The following ZNF727 variants were observed in gnomAD, a reference collection of about 807,000 sequenced individuals.
ZNF727 encodes the protein putative zinc finger protein 727.
In ZNF727, 11 loss-of-function variants were observed where a neutral mutation model predicts 11.5. The ratio of observed to expected loss-of-function variants is 0.95; its 90% CI spans 0.60 to 1.58. The LOEUF (loss-of-function observed/expected upper bound fraction) is 1.58. Ranked by LOEUF, ZNF727 falls within the 40% of genes most tolerant of loss-of-function variation. ZNF727 has a pLI of 0.00. For missense variants in ZNF727, 533 were observed against 581.7 expected (o/e 0.92, Z 0.86); for synonymous variants, 171 against 196.1 (o/e 0.87, Z 1.07).
At chr7:64,060,133 C>T (rs1451060535) in intron 1 of ZNF727, among the ~76,000 whole-genome samples, 13 of 152,074 alleles carry the variant, frequency 8.5e-5, no homozygotes, top group Non-Finnish European at 1.9e-4. Context: ...CTATATATGA[C>T]AGAGTATGCT....
chr7:64,084,876 A>G lies in ZNF727; in HGVS notation c.*6327A>G, dbSNP rs1785849861. On this transcript the variant is annotated 3_prime_UTR_variant, in exon 4 of 4. Coordinates refer to ENST00000456806, the MANE Select transcript of ZNF727 (RefSeq NM_001159522.3). ...GAAGAAAAGAAAAATATTAGAGTGA[A>G]ACAGATAATTTTACATGTGTTGATA... Among the ~76,000 whole-genome samples, 1 of 152,190 alleles carries G rather than the reference A, an allele frequency of 6.6e-6. No homozygotes were observed. Among genetic ancestry groups the G allele is most frequent in the African/African-American group, 2.4e-5 (1 of 41,454 alleles).
rs566244299 is a variant in ZNF727, at chr7:64,074,712, A to T, written c.227-2564A>T. On this transcript the variant is annotated intron_variant, in intron 3 of 3. Transcript: ENST00000456806. The stretch of plus-strand genomic sequence containing the variant: ...AATCTAAACATCTATTTCACTTCGA[A>T]AGTATCTTTATTTTAGTAGGAACTA... Among the ~76,000 whole-genome samples the T allele has an allele frequency of 2.6e-5, 4 of 152,278 alleles. No homozygotes were observed. The East Asian group carries it at 7.7e-4, about 29-fold the overall frequency.
intron 1 of ZNF727, among the ~76,000 whole-genome samples, chr7:64,051,666 T>C (rs1375035026): frequency 6.6e-6 from 1 of 152,230 alleles, no homozygotes; most frequent in Non-Finnish European, 1.5e-5. Context: ...AATTTGATCT[T>C]AGCTGGAATG....
intron 3 of ZNF727, among the ~76,000 whole-genome samples, chr7:64,071,300 G>A (rs1320668440): frequency 6.6e-6 from 1 of 151,574 alleles, no homozygotes; most frequent in African/African-American, 2.4e-5. Flanking sequence ...TTTGGTGTTA[G>A]CAGTCCTAAC....
chr7:64,074,786 GTTGAT>G (rs1790015586), intron 3 of ZNF727, among the ~76,000 whole-genome samples: 1 of 152,138 alleles, frequency 6.6e-6, no homozygotes, highest in African/African-American at 2.4e-5. Context: ...CTGTGGAATA[GTTGAT>G]TTGATCTACT....
rs776858218 is a variant in ZNF727, at chr7:64,069,507, A to T, written c.131-7A>T. 1.9e-6 allele frequency: 3 copies of T among 1,549,130 alleles called. No individual in the cohort carries two copies. The highest frequency in any genetic ancestry group is 2.6e-6 in the Non-Finnish European group (3 of 1,144,222). On this transcript the variant is annotated splice_polypyrimidine_tract_variant and splice_region_variant and intron_variant, in intron 2 of 3. Coordinates refer to ENST00000456806, the MANE Select transcript of ZNF727 (RefSeq NM_001159522.3). ...AAGAGTCATGTTATTTTTTTCTAAT[A>T]AAACAGGTCTTGCTATCTTTAAGCC... is the stretch of plus-strand genomic sequence containing the variant.
At chr7:64,058,741 T>A (rs1237387693) in intron 1 of ZNF727, among the ~76,000 whole-genome samples, 1 of 152,212 alleles carries the variant, frequency 6.6e-6, no homozygotes, top group Admixed American at 6.5e-5. Context: ...CTCAAAGGAA[T>A]GTAAACACAA....
At chr7:64,060,494 A>C (rs562307227) in intron 1 of ZNF727, among the ~76,000 whole-genome samples, 2 of 152,324 alleles carry the variant, frequency 1.3e-5, no homozygotes, top group African/African-American at 4.8e-5. Flanking sequence ...TTTGTAGAAA[A>C]ATAGCTTCAC....
At chr7:64,063,921 C>T (rs545480626) in intron 1 of ZNF727, among the ~76,000 whole-genome samples, 12 of 152,228 alleles carry the variant, frequency 7.9e-5, no homozygotes, top group Middle Eastern at 3.4e-3. Context: ...CCAGAGCCCA[C>T]AGTAAGTACT....
rs1785729146 is a variant in ZNF727, at chr7:64,078,482, G to A, written c.1433G>A (p.Arg478Lys). ...IKHKRSHTGD[R>K]PTSAKNVAKP... ...CACAAGAGAAGTCATACTGGAGACA[G>A]ACCTACAAGTGCAAAGAATGTGGCA... The change falls in exon 4 of 4, where the codon AGA becomes AAA. Residue 478 changes from arginine (R) to lysine (K), a missense_variant. This residue lies in a region of ZNF727 where 54 missense variants were observed against 48.6 expected (regional missense o/e 1.11). Coordinates refer to ENST00000456806, the MANE Select transcript of ZNF727 (RefSeq NM_001159522.3). 2 of 1,565,636 alleles carry A rather than the reference G, an allele frequency of 1.3e-6. No homozygotes were observed. The highest frequency in any genetic ancestry group is 2.4e-5 in the East Asian group (1 of 41,738).
chr7:64,082,193 A>T lies in ZNF727; in HGVS notation c.*3644A>T, dbSNP rs1053855246. Among the ~76,000 whole-genome samples, 1 of 152,146 alleles carries T rather than the reference A, an allele frequency of 6.6e-6. No homozygotes were observed. The highest frequency in any genetic ancestry group is 1.5e-5 in the Non-Finnish European group (1 of 68,036). On this transcript the variant is annotated 3_prime_UTR_variant, in exon 4 of 4. Transcript: ENST00000456806. ...CAAAAATATTTTCAGTTGCTCTTGGAGGCTCTGTCTAGGGAGTTGCGAAGT... is the reference window on the plus strand; with the variant it reads ...CAAAAATATTTTCAGTTGCTCTTGGTGGCTCTGTCTAGGGAGTTGCGAAGT...
In ZNF727 at chr7:64,077,342, T is replaced by C. The variant is rs372370348; in HGVS notation, c.293T>C (p.Val98Ala). The C allele has an allele frequency of 2.9e-4, 451 of 1,551,216 alleles. 6 individuals are homozygous for C. The East Asian group carries it at 9.3e-3, about 32-fold the overall frequency. The stretch of plus-strand genomic sequence containing the variant: ...GACATAAACGATTCATTTCAAAAAG[T>C]GATCCTGAGAAAATCTGGAAGCTGT... ...EHDINDSFQK[V>A]ILRKSGSCDL... Residue 98 changes from valine (V) to alanine (A), a missense_variant, in exon 4 of 4, where the codon GTG (valine) becomes GCG (alanine). Transcript: ENST00000456806.
In ZNF727 at chr7:64,077,260, CTTT is replaced by C. The variant is rs34875861; in HGVS notation, c.227-6_227-4del. 15 of 1,262,622 alleles carry C rather than the reference CTTT, an allele frequency of 1.2e-5. No homozygotes were observed. The highest frequency in any genetic ancestry group is 8.5e-5 in the South Asian group (5 of 58,716). The allele number at this position is 1,262,622 out of a possible 1,614,324, so 78.2% of individuals were successfully genotyped here. A position where few individuals can be genotyped will look rare whatever the true frequency, so the allele number is the denominator to read the frequency against. ...CTGATGAGGGAGAAATTTTGTGGTT[CTTT>C]TTTTTTTTTCAGCTGGCTCTTTGCA... On this transcript the variant is annotated splice_polypyrimidine_tract_variant and intron_variant, in intron 3 of 3. Transcript: ENST00000456806.
intron 1 of ZNF727, among the ~76,000 whole-genome samples, chr7:64,065,587 G>A (rs1287443814): frequency 6.6e-6 from 1 of 152,188 alleles, no homozygotes; most frequent in Non-Finnish European, 1.5e-5. Context: ...AGGGATCACA[G>A]AGAAGGAGAA....
chr7:64,054,258 G>T (rs1789648365), intron 1 of ZNF727, among the ~76,000 whole-genome samples: 1 of 152,104 alleles, frequency 6.6e-6, no homozygotes, highest in Non-Finnish European at 1.5e-5. Flanking sequence ...TCATCTTCAG[G>T]TTTGTCTTCA....
intron 1 of ZNF727, 132 bp downstream of exon 1, chr7:64,045,756 T>G: frequency 8.6e-7 from 1 of 1,164,532 alleles, no homozygotes; most frequent in Non-Finnish European, 1.2e-6. Flanking sequence ...CACAGTTCAG[T>G]CCTCACTTCC....
At position 64,069,795 on chromosome 7, in the gene ZNF727, A is replaced by T. The variant is rs370110751; in HGVS notation, c.226+186A>T. On this transcript the variant is annotated intron_variant, in intron 3 of 3. Coordinates refer to ENST00000456806, the MANE Select transcript of ZNF727 (RefSeq NM_001159522.3). ...TCCCATTCTTGTGAATTTTCTAAGC[A>T]CTGTACATCCCCTTCAGTAATGTGT... 1.7e-3 allele frequency among the ~76,000 whole-genome samples: 251 copies of T among 152,018 alleles called. 2 individuals carry two copies. Among genetic ancestry groups the T allele is most frequent in the African/African-American group, 5.8e-3 (242 of 41,488 alleles).
At chr7:64,050,404 G>A (rs1163707506) in intron 1 of ZNF727, among the ~76,000 whole-genome samples, 3 of 151,930 alleles carry the variant, frequency 2.0e-5, no homozygotes, top group Non-Finnish European at 4.4e-5. Context: ...GCTTCATGAG[G>A]AAAAACAGGT....
intron 3 of ZNF727, among the ~76,000 whole-genome samples, chr7:64,070,930 T>A (rs1189886289): frequency 2.0e-5 from 3 of 152,068 alleles, no homozygotes; most frequent in Non-Finnish European, 2.9e-5. Context: ...GGTCCACCCA[T>A]GTTGTAGAAT....
Sources: gnomAD v4.1 joint callset for allele counts (sites outside exome capture counted in the v4.1 genomes callset) on GRCh38, gnomAD v4.1.1 for gene constraint, gnomAD v4.1.1 regional missense constraint, MANE v1.5 for transcripts, NCBI Gene and HGNC (gene_info 2026-07-23, HGNC 2026-07-21) for gene names.